SLC24A2: variants seen among roughly 807,000 people sequenced by gnomAD.
The protein encoded by SLC24A2 is solute carrier family 24 member 2, also known as sodium/potassium/calcium exchanger 2.
Under a neutral mutation model 62.0 loss-of-function variants are expected in SLC24A2, and 36 were observed. The observed-to-expected ratio is 0.58, with a 90% CI of 0.44 to 0.77. The LOEUF (loss-of-function observed/expected upper bound fraction) is 0.77. SLC24A2 is among the 30% of genes least tolerant of loss of function. The probability of loss-of-function intolerance (pLI) is 0.00; values close to 1 mark genes in which losing one functional copy is unlikely to be tolerated. For missense variants in SLC24A2, 846 were observed against 817.9 expected (o/e 1.03, Z -0.42); for synonymous variants, 358 against 294.0 (o/e 1.22, Z -2.23).
At chr9:19,544,940 T>C (rs1463805263) in intron 8 of SLC24A2, among the ~76,000 whole-genome samples, 1 of 152,176 alleles carries the variant, frequency 6.6e-6, no homozygotes, top group South Asian at 2.1e-4. Context: ...CTTTGTGGTG[T>C]TCTCTGTATT....
the SLC24A2 span, among the ~76,000 whole-genome samples, chr9:19,876,603 GGA>G: frequency 6.6e-6 from 1 of 152,024 alleles, no homozygotes; most frequent in Admixed American, 6.6e-5. Flanking sequence ...TTTATAGTGA[GGA>G]TCATTGTAAG....
At chr9:20,226,277 T>A in the SLC24A2 span, among the ~76,000 whole-genome samples, 1 of 152,152 alleles carries the variant, frequency 6.6e-6, no homozygotes, top group Non-Finnish European at 1.5e-5. Flanking sequence ...AAAAACCATG[T>A]ATTTTCTTCC....
At chr9:19,939,283 T>G in the SLC24A2 span, among the ~76,000 whole-genome samples, 1 of 152,188 alleles carries the variant, frequency 6.6e-6, no homozygotes. Context: ...CATCATGGAG[T>G]ATACTTATAC....
At chr9:20,194,673 G>A in the SLC24A2 span, among the ~76,000 whole-genome samples, 2 of 152,130 alleles carry the variant, frequency 1.3e-5, no homozygotes, top group Non-Finnish European at 2.9e-5. Flanking sequence ...GCAGGCTTTA[G>A]TTTCTTGCCA....
chr9:20,235,139 G>T, the SLC24A2 span, among the ~76,000 whole-genome samples: 5 of 152,140 alleles, frequency 3.3e-5, no homozygotes, highest in East Asian at 3.9e-4. Flanking sequence ...CGCCCCTACT[G>T]GGGGGTGCCT....
chr9:19,883,133 G>A, the SLC24A2 span, among the ~76,000 whole-genome samples: 1 of 152,150 alleles, frequency 6.6e-6, no homozygotes, highest in East Asian at 1.9e-4. Flanking sequence ...TAGCAACCAG[G>A]ATTTTGTCTA....
At chr9:19,577,592 G>A (rs567566657) in intron 5 of SLC24A2, among the ~76,000 whole-genome samples, 1 of 152,234 alleles carries the variant, frequency 6.6e-6, no homozygotes, top group South Asian at 2.1e-4. Flanking sequence ...ATGCATCACA[G>A]CTTTCCAAAT....
At chr9:20,263,961 A>G in the SLC24A2 span, among the ~76,000 whole-genome samples, 3 of 148,690 alleles carry the variant, frequency 2.0e-5, no homozygotes, top group Non-Finnish European at 4.4e-5. Flanking sequence ...AGAAGTTTGG[A>G]TGGTTTCCTT....
At chr9:19,982,534 G>A in the SLC24A2 span, among the ~76,000 whole-genome samples, 5 of 152,286 alleles carry the variant, frequency 3.3e-5, no homozygotes, top group African/African-American at 4.8e-5. Flanking sequence ...ACTGGAGGGC[G>A]ATGAGTCAGG....
chr9:19,943,810 T>C, the SLC24A2 span, among the ~76,000 whole-genome samples: 1 of 152,208 alleles, frequency 6.6e-6, no homozygotes, highest in East Asian at 1.9e-4. Flanking sequence ...TGAAAGCTAC[T>C]CCAACTTATC....
intron 9 of SLC24A2, among the ~76,000 whole-genome samples, chr9:19,524,236 TAAG>T (rs1833331986): frequency 6.6e-6 from 1 of 151,678 alleles, no homozygotes; most frequent in South Asian, 2.1e-4. Context: ...TGCCTTGGTT[TAAG>T]GAGGATCTGA....
chr9:19,743,102 T>C (rs1821727688), intron 2 of SLC24A2, among the ~76,000 whole-genome samples: 1 of 151,904 alleles, frequency 6.6e-6, no homozygotes, highest in Admixed American at 6.6e-5. Context: ...ATGGAGGAAT[T>C]GTGTGCTTAA....
At chr9:20,033,401 T>C in the SLC24A2 span, among the ~76,000 whole-genome samples, 1 of 152,234 alleles carries the variant, frequency 6.6e-6, no homozygotes. Flanking sequence ...ATACCTAATA[T>C]GCAGGACTGC....
At chr9:19,955,906 C>A in the SLC24A2 span, among the ~76,000 whole-genome samples, 3 of 152,180 alleles carry the variant, frequency 2.0e-5, no homozygotes, top group Non-Finnish European at 2.9e-5. Context: ...TTCTCCCTTA[C>A]AAAATTTTCA....
chr9:20,299,199 G>A, the SLC24A2 span, among the ~76,000 whole-genome samples: 9 of 152,166 alleles, frequency 5.9e-5, no homozygotes, highest in Non-Finnish European at 8.8e-5. Flanking sequence ...TAGCCCTTTC[G>A]TGCACACAGC....
At chr9:20,055,951 C>T in the SLC24A2 span, among the ~76,000 whole-genome samples, 1 of 152,004 alleles carries the variant, frequency 6.6e-6, no homozygotes, top group Admixed American at 6.6e-5. Flanking sequence ...CATGTTCTTA[C>T]CGCTCCACTA....
At chr9:19,840,786 C>T in the SLC24A2 span, among the ~76,000 whole-genome samples, 12 of 152,108 alleles carry the variant, frequency 7.9e-5, no homozygotes, top group Non-Finnish European at 1.6e-4. Flanking sequence ...TCCCCTCTCT[C>T]TGATTTTTAT....
the SLC24A2 span, among the ~76,000 whole-genome samples, chr9:20,128,160 G>C: frequency 6.6e-6 from 1 of 152,060 alleles, no homozygotes; most frequent in Non-Finnish European, 1.5e-5. Context: ...TGAAAGAAAG[G>C]GTAGGAAAGG....
chr9:19,910,896 T>TC, the SLC24A2 span, among the ~76,000 whole-genome samples: 130,638 of 149,228 alleles, frequency 0.88, 57,938 homozygotes, highest in Non-Finnish European at 0.96. Flanking sequence ...CTTTTTTTTT[T>TC]CTTTTCTTTT....
Sources: allele counts gnomAD v4.1 joint callset (sites outside exome capture counted in the v4.1 genomes callset), GRCh38; gene constraint gnomAD v4.1.1; transcripts MANE v1.5; gene names NCBI Gene and HGNC (gene_info 2026-07-23, HGNC 2026-07-21).